GRB7: variants seen among roughly 807,000 people sequenced by gnomAD.
GRB7 encodes growth factor receptor bound protein 7.
A neutral mutation model predicts 64.1 loss-of-function variants in GRB7; 47 were observed. That is an observed-to-expected ratio of 0.73 (90% CI 0.58 to 0.94). The LOEUF is 0.94. Among genes scored for constraint, GRB7 ranks in the 40% least tolerant of loss-of-function variants. The pLI is 0.00. For synonymous variants in GRB7, 277 were observed against 279.9 expected (o/e 0.99, Z 0.10); for missense variants, 634 against 718.4 (o/e 0.88, Z 1.34).
chr17:39,745,009 G>C (rs747012552), intron 9 of GRB7, 25 bp downstream of exon 9: 2 of 1,574,914 alleles, frequency 1.3e-6, no homozygotes, highest in East Asian at 4.5e-5. Flanking sequence ...GTGGCATGGG[G>C]GGCTGGCCTG....
chr17:39,743,439 A>G lies in GRB7; in HGVS notation c.632A>G (p.His211Arg). The change falls in exon 6 of 15, where the codon CAC becomes CGC. Residue 211 changes from histidine (H) to arginine (R), a missense_variant. Coordinates refer to ENST00000309156, the MANE Select transcript of GRB7 (RefSeq NM_005310.5). ...ATGGTCTCCAGCTGTCTCGATGCAC[A>G]CACTGGTATATCCCATGAAGACCTC... is the stretch of plus-strand genomic sequence containing the variant. ...EKMVSSCLDA[H>R]TGISHEDLIQ... 1 of 1,614,154 alleles carries G rather than the reference A, an allele frequency of 6.2e-7. No individual in the cohort carries two copies.
chr17:39,739,078 T>G, intron 1 of GRB7: 4 of 586,884 alleles, frequency 6.8e-6, no homozygotes, highest in Non-Finnish European at 1.1e-5. Flanking sequence ...GAGACCCAGG[T>G]TCCCGGTCTG....
chr17:39,739,046 T>C lies in GRB7; in HGVS notation c.-51+913T>C. 6 of 902,036 alleles carry C rather than the reference T, an allele frequency of 6.7e-6. No individual in the cohort carries two copies. In the South Asian group the frequency reaches 1.1e-4, roughly 17 times the overall value. 55.9% of individuals were successfully genotyped at this position (902,036 alleles called of 1,614,324 possible). A position where few individuals can be genotyped will look rare whatever the true frequency, so the allele number is the denominator to read the frequency against. On this transcript the variant is annotated intron_variant, in intron 1 of 14. Coordinates refer to ENST00000309156, the MANE Select transcript of GRB7 (RefSeq NM_005310.5). ...GGGGTGGGGGATAGCAGATGGTTTC[T>C]TCTGCTTGATGAGGCTAGGGAGAGA...
chr17:39,743,266 A>C lies in GRB7; in HGVS notation c.550A>C (p.Asn184His), dbSNP rs201479414. Residue 184 changes from asparagine (N) to histidine (H), a missense_variant, in exon 5 of 15, where the codon AAC becomes CAC. This residue lies in a region of GRB7 where 467 missense variants were observed against 576.6 expected (regional missense o/e 0.81). Transcript: ENST00000309156. ...GGDSRFVFRKNFAKYELFKSS... is the reference protein window; with the variant it reads ...GGDSRFVFRKHFAKYELFKSS... Reference sequence around the variant, plus strand: ...AGATAGCCGCTTCGTCTTCCGGAAAAACTTCGCCAAGTACGAACTGTTCAA... The same window carrying C: ...AGATAGCCGCTTCGTCTTCCGGAAACACTTCGCCAAGTACGAACTGTTCAA... The C allele has an allele frequency of 1.9e-6, 3 of 1,614,058 alleles. No homozygotes were observed. The highest frequency in any genetic ancestry group is 3.3e-5 in the Admixed American group (2 of 60,022).
chr17:39,741,216 G>A (rs1325282554), intron 1 of GRB7, among the ~76,000 whole-genome samples: 1 of 152,172 alleles, frequency 6.6e-6, no homozygotes, highest in African/African-American at 2.4e-5. Context: ...TGCGGCCCCC[G>A]CACAGTGCTG....
Position 39,746,882 on chromosome 17 carries a change from G to A in GRB7, c.1584G>A (p.Thr528=), listed in dbSNP as rs761232583. The A allele has an allele frequency of 1.6e-5, 25 of 1,609,646 alleles. No individual in the cohort carries two copies. Among genetic ancestry groups the A allele is most frequent in the African/African-American group, 4.0e-5 (3 of 74,940 alleles). The change falls in exon 15 of 15, where the codon ACG becomes ACA. Residue 528 remains threonine (T), a synonymous_variant. Transcript: ENST00000309156. ...CGTGCTTGCTGCGCCATTGCTGCAC[G>A]CGGGTGGCCCTCTGACCAGGCCGTG... The part of the protein sequence containing the change: ...ILPCLLRHCC[T]RVAL
At chr17:39,741,072 T>C (rs1345568257) in intron 1 of GRB7, among the ~76,000 whole-genome samples, 1 of 152,168 alleles carries the variant, frequency 6.6e-6, no homozygotes, top group Non-Finnish European at 1.5e-5. Flanking sequence ...TTGCCTGCTG[T>C]CCTGTCTTTA....
intron 6 of GRB7, among the ~76,000 whole-genome samples, chr17:39,743,814 C>T (rs528868720): frequency 2.2e-5 from 2 of 91,196 alleles, no homozygotes; most frequent in South Asian, 9.3e-4. Context: ...GAGACCTCGT[C>T]TCTCCAAAAA....
chr17:39,742,674 C>T lies in GRB7; in HGVS notation c.264C>T (p.Ser88=), dbSNP rs2060006102. The change falls in exon 3 of 15, where the codon TCC becomes TCT. Residue 88 remains serine (S), a synonymous_variant. Transcript: ENST00000309156. ...PSQSPILGGP[S]SARGLLPRDA... ...AGAGCCCAATTCTCGGGGGCCCCTCCAGTGCAAGGGGGCTGCTCCCCCGCG... is the reference window on the plus strand; with the variant it reads ...AGAGCCCAATTCTCGGGGGCCCCTCTAGTGCAAGGGGGCTGCTCCCCCGCG... 6.2e-7 allele frequency: 1 copy of T among 1,601,606 alleles called. No homozygotes were observed. Among genetic ancestry groups the T allele is most frequent in the Non-Finnish European group, 8.5e-7 (1 of 1,173,436 alleles).
chr17:39,741,685 G>A (rs998701519), intron 1 of GRB7, among the ~76,000 whole-genome samples: 1 of 152,232 alleles, frequency 6.6e-6, no homozygotes, highest in African/African-American at 2.4e-5. Context: ...CTTGTGGTGG[G>A]TGGACCCTCA....
chr17:39,740,214 C>T, intron 1 of GRB7: 1 of 964,574 alleles, frequency 1.0e-6, no homozygotes, highest in Non-Finnish European at 1.2e-6. Context: ...GGATTGTGTT[C>T]TGGTATTGAG....
At chr17:39,743,510 C>T in intron 6 of GRB7, 40 bp downstream of exon 6, 1 of 1,487,520 alleles carries the variant, frequency 6.7e-7, no homozygotes, top group Non-Finnish European at 9.4e-7. Flanking sequence ...TCACGACTCC[C>T]CAGCATTGGC....
intron 14 of GRB7, 134 bp from the exon 15 acceptor site, chr17:39,746,617 A>C: frequency 6.5e-6 from 2 of 306,176 alleles, no homozygotes; most frequent in South Asian, 9.7e-5. Context: ...AAACTGTCTC[A>C]AAAAAAAAAA....
At chr17:39,746,292 T>G (rs1047180608) in intron 14 of GRB7, 90 bp downstream of exon 14, 3 of 1,002,676 alleles carry the variant, frequency 3.0e-6, no homozygotes, top group Non-Finnish European at 4.7e-6. Context: ...AGAGGCTCCC[T>G]GGCCCCCAGT....
intron 7 of GRB7, 61 bp from the exon 8 acceptor site, chr17:39,744,492 G>C (rs2060025633): frequency 1.5e-5 from 20 of 1,357,772 alleles, no homozygotes; most frequent in Non-Finnish European, 2.0e-5. Context: ...CTGGCTTGTG[G>C]GGGGAGGTAA....
rs2060044895 is a variant in GRB7 at position 39,746,194 on chromosome 17, A to G, written c.1444A>G (p.Ile482Val). ...CHLQKVKHYL[I>V]LPSEEEGRLY... ...CCTGCAGAAAGTGAAGCATTATCTC[A>G]TCCTGCCGGTGAGCTTCCCTGCGTC... The change falls in exon 14 of 15, where the codon ATC becomes GTC. Residue 482 changes from isoleucine (I) to valine (V), a missense_variant. Physicochemically the swap from Ile to Val is conservative, Grantham distance 29 (BLOSUM62 3). Around this residue, in one of 2 missense-constraint regions of GRB7, gnomAD observed 467 missense variants for 576.6 expected, o/e 0.81. Transcript: ENST00000309156. 1 of 1,591,140 alleles carries G rather than the reference A, an allele frequency of 6.3e-7. No homozygotes were observed. Among genetic ancestry groups the G allele is most frequent in the Non-Finnish European group, 8.6e-7 (1 of 1,159,992 alleles).
chr17:39,742,776 C>T lies in GRB7; in HGVS notation c.306+60C>T, dbSNP rs1370435430. ...ACGGGTTCTGGGTCTGTGGGAGATACACAGCCGCTTCCATGGAGGCAGGGG... is the reference window on the plus strand; with the variant it reads ...ACGGGTTCTGGGTCTGTGGGAGATATACAGCCGCTTCCATGGAGGCAGGGG... On this transcript the variant is annotated intron_variant, in intron 3 of 14. Transcript: ENST00000309156. 3.9e-6 allele frequency: 6 copies of T among 1,525,356 alleles called. No individual in the cohort carries two copies. The African/African-American group carries it at 4.2e-5, about 11-fold the overall frequency. 94.5% of individuals were successfully genotyped at this position (1,525,356 alleles called of 1,614,324 possible).
rs997544638 is a variant in GRB7 at position 39,747,016 on chromosome 17, G to A, written c.*119G>A. 1.2e-5 allele frequency: 13 copies of A among 1,114,864 alleles called. No homozygotes were observed. The highest frequency in any genetic ancestry group is 7.8e-5 in the African/African-American group (5 of 64,166). The allele number at this position is 1,114,864 out of a possible 1,614,324, so 69.1% of individuals were successfully genotyped here. A position where few individuals can be genotyped will look rare whatever the true frequency, so the allele number is the denominator to read the frequency against. On this transcript the variant is annotated 3_prime_UTR_variant, in exon 15 of 15. Coordinates refer to ENST00000309156, the MANE Select transcript of GRB7 (RefSeq NM_005310.5). Reference sequence around the variant, plus strand: ...ACGGGATGAGGAGCGGGAGGGTTCCGCCACTCCAGTTTTCTCCTCTGCTTC... The same window carrying A: ...ACGGGATGAGGAGCGGGAGGGTTCCACCACTCCAGTTTTCTCCTCTGCTTC...
chr17:39,745,293 G>A lies in GRB7; in HGVS notation c.1062G>A (p.Leu354=). Residue 354 remains leucine, a synonymous_variant, in exon 10 of 15, where the codon CTG becomes CTA. Transcript: ENST00000309156. Reference sequence around the variant, plus strand: ...ACCAGCAGGCACAGTCTCGCCATCTGCATCCATCTTGTTTGGGCTCCCCAC... The same window carrying A: ...ACCAGCAGGCACAGTCTCGCCATCTACATCCATCTTGTTTGGGCTCCCCAC... ...KNYQQAQSRH[L]HPSCLGSPPL... 6.2e-7 allele frequency: 1 copy of A among 1,612,692 alleles called. No individual in the cohort carries two copies. Among genetic ancestry groups the A allele is most frequent in the Non-Finnish European group, 8.5e-7 (1 of 1,179,200 alleles).
Sources: gnomAD v4.1 joint callset for allele counts (sites outside exome capture counted in the v4.1 genomes callset) on GRCh38, gnomAD v4.1.1 for gene constraint, gnomAD v4.1.1 regional missense constraint, MANE v1.5 for transcripts, NCBI Gene and HGNC (gene_info 2026-07-23, HGNC 2026-07-21) for gene names.